Variants in RALGAPA2 observed in about 807,000 individuals in gnomAD.
The protein encoded by RALGAPA2 is Ral GTPase activating protein catalytic subunit alpha 2.
A neutral mutation model predicts 230.4 loss-of-function variants in RALGAPA2; 139 were observed. The ratio of observed to expected loss-of-function variants is 0.60; its 90% CI spans 0.53 to 0.69. RALGAPA2 has a LOEUF of 0.69. Ranked by LOEUF, RALGAPA2 falls within the 30% of genes least tolerant of loss-of-function variation. RALGAPA2 has a pLI of 0.00. For missense variants in RALGAPA2, 2,163 were observed against 2,276.0 expected (o/e 0.95, Z 1.01); for synonymous variants, 847 against 837.8 (o/e 1.01, Z -0.19).
chr20:20,509,731 G>A (rs2145320339), intron 33 of RALGAPA2, among the ~76,000 whole-genome samples: 1 of 152,268 alleles, frequency 6.6e-6, no homozygotes, highest in Non-Finnish European at 1.5e-5. Context: ...GAAAACTTAT[G>A]CCCTTCTGAT....
In RALGAPA2 at chr20:20,712,600, T is replaced by TGCTGCCGCCGCCGCC. The variant is rs1555833891; in HGVS notation, c.-135_-121dup. The TGCTGCCGCCGCCGCC allele has an allele frequency of 2.6e-6, 3 of 1,161,766 alleles. No homozygotes were observed. The highest frequency in any genetic ancestry group is 3.2e-6 in the Non-Finnish European group (3 of 925,776). The allele number at this position is 1,161,766 out of a possible 1,614,324, so 72.0% of individuals were successfully genotyped here. ...GGCCACTCGCCGCCCCCAGCCCCGCTGCTGCCGCCGCCGCCGCCGCCGCCG... is the reference window on the plus strand; with the variant it reads ...GGCCACTCGCCGCCCCCAGCCCCGCTGCTGCCGCCGCCGCCGCTGCCGCCGCCGCCGCCGCCGCCG... On this transcript the variant is annotated 5_prime_UTR_variant, in exon 1 of 40. Transcript: ENST00000202677. The surrounding 1 kb of genome is among the most constrained non-coding windows in gnomAD (Gnocchi z 5.5).
intron 31 of RALGAPA2, among the ~76,000 whole-genome samples, chr20:20,517,759 G>A (rs6046907): frequency 2.1e-4 from 31 of 150,394 alleles, no homozygotes; most frequent in Non-Finnish European, 4.3e-4. Flanking sequence ...AATCAAATTA[G>A]GCTATAATAA....
rs973564009 is a variant in RALGAPA2 at position 20,660,771 on chromosome 20, G to C, written c.271-7184C>G. On this transcript the variant is annotated intron_variant, in intron 3 of 39. Transcript: ENST00000202677. Reference sequence around the variant, plus strand: ...GAAATCCCTAATAATTGCTTTTGTGGGTACTGACAGTAGATAGAGCCTAGA... The same window carrying C: ...GAAATCCCTAATAATTGCTTTTGTGCGTACTGACAGTAGATAGAGCCTAGA... Among the ~76,000 whole-genome samples, 39 of 152,018 alleles carry C rather than the reference G, an allele frequency of 2.6e-4. 1 individual carries two copies. Among genetic ancestry groups the C allele is most frequent in the Non-Finnish European group, 1.5e-5 (1 of 68,006 alleles).
chr20:20,427,388 G>A (rs1490642924), intron 37 of RALGAPA2, among the ~76,000 whole-genome samples: 1 of 151,950 alleles, frequency 6.6e-6, no homozygotes, highest in African/African-American at 2.4e-5. Flanking sequence ...AATCCCATCT[G>A]TGTGCCATTC....
chr20:20,540,646 C>A (rs987087349), intron 24 of RALGAPA2, among the ~76,000 whole-genome samples: 5 of 152,090 alleles, frequency 3.3e-5, no homozygotes, highest in Admixed American at 6.5e-5. Context: ...GTTATGCTTT[C>A]ATTATTTATT....
chr20:20,492,443 A>G (rs570772431), intron 36 of RALGAPA2, among the ~76,000 whole-genome samples: 2 of 152,336 alleles, frequency 1.3e-5, no homozygotes, highest in African/African-American at 4.8e-5. Flanking sequence ...TAAGAAAAAA[A>G]TACGGATTTT....
chr20:20,705,388 T>G (rs2069554925), intron 1 of RALGAPA2, among the ~76,000 whole-genome samples: 1 of 151,214 alleles, frequency 6.6e-6, no homozygotes, highest in African/African-American at 2.4e-5. Flanking sequence ...TCATTTTTTT[T>G]GTAGAGAAGG....
At chr20:20,529,804 C>T (rs555087241) in intron 27 of RALGAPA2, among the ~76,000 whole-genome samples, 1 of 152,260 alleles carries the variant, frequency 6.6e-6, no homozygotes, top group African/African-American at 2.4e-5. Context: ...AGAATGTATC[C>T]CCATCACTAT....
chr20:20,663,649 T>G (rs1381995221), intron 3 of RALGAPA2, among the ~76,000 whole-genome samples: 3 of 152,140 alleles, frequency 2.0e-5, no homozygotes, highest in Admixed American at 6.5e-5. Flanking sequence ...TGGAGCACAG[T>G]GGCGCGATCT....
intron 23 of RALGAPA2, among the ~76,000 whole-genome samples, chr20:20,566,526 T>C (rs750756597): frequency 1.3e-5 from 2 of 152,186 alleles, no homozygotes; most frequent in Non-Finnish European, 2.9e-5. Flanking sequence ...ATCAACACTT[T>C]AAGATATCAG....
Position 20,712,517 on chromosome 20 carries a change from G to A in RALGAPA2, c.-37C>T, listed in dbSNP as rs2069930937. 1.3e-6 allele frequency: 2 copies of A among 1,531,236 alleles called. No homozygotes were observed. The highest frequency in any genetic ancestry group is 5.1e-5 in the East Asian group (2 of 39,088). The allele number at this position is 1,531,236 out of a possible 1,614,324, so 94.9% of individuals were successfully genotyped here. A position where few individuals can be genotyped will look rare whatever the true frequency, so the allele number is the denominator to read the frequency against. ...AAGCCCGGGCCCCGCCGGCGGGGCA[G>A]TAGGCGCCTGCGCCACGCGAATCAA... On this transcript the variant is annotated 5_prime_UTR_variant, in exon 1 of 40. Coordinates refer to ENST00000202677, the MANE Select transcript of RALGAPA2 (RefSeq NM_020343.4). The surrounding 1 kb of genome is among the most constrained non-coding windows in gnomAD (Gnocchi z 5.5).
At chr20:20,396,190 C>G (rs895319488) in intron 39 of RALGAPA2, among the ~76,000 whole-genome samples, 1 of 152,232 alleles carries the variant, frequency 6.6e-6, no homozygotes, top group African/African-American at 2.4e-5. Flanking sequence ...TCTGCGCTCC[C>G]GCAGCTTTTG....
At chr20:20,598,245 T>A (rs998373862) in intron 16 of RALGAPA2, among the ~76,000 whole-genome samples, 1 of 152,228 alleles carries the variant, frequency 6.6e-6, no homozygotes, top group Non-Finnish European at 1.5e-5. Flanking sequence ...ATATGATTTA[T>A]TAACTCCAAG....
At chr20:20,426,097 C>T (rs568898677) in intron 37 of RALGAPA2, among the ~76,000 whole-genome samples, 3 of 152,230 alleles carry the variant, frequency 2.0e-5, no homozygotes, top group African/African-American at 7.2e-5. Flanking sequence ...ACCAGATGAG[C>T]GTGGAGAATA....
chr20:20,676,164 T>C, intron 3 of RALGAPA2, 72 bp downstream of exon 3: 3 of 1,102,982 alleles, frequency 2.7e-6, no homozygotes, highest in South Asian at 2.0e-5. Context: ...TGTCTTCAAA[T>C]AAAATTAAAG....
At chr20:20,475,187 G>T (rs750085515) in intron 36 of RALGAPA2, among the ~76,000 whole-genome samples, 1 of 152,144 alleles carries the variant, frequency 6.6e-6, no homozygotes, top group African/African-American at 2.4e-5. Context: ...CCCCTTTTCT[G>T]TGGTTGGCAT....
At chr20:20,435,413 T>C (rs2060588267) in intron 37 of RALGAPA2, among the ~76,000 whole-genome samples, 1 of 152,258 alleles carries the variant, frequency 6.6e-6, no homozygotes, top group Admixed American at 6.5e-5. Context: ...TAACAGCATC[T>C]ACAGTTAAGG....
chr20:20,691,105 G>A (rs1235857685), intron 1 of RALGAPA2, among the ~76,000 whole-genome samples: 2 of 152,062 alleles, frequency 1.3e-5, no homozygotes, highest in African/African-American at 4.8e-5. Flanking sequence ...CTTCCCACCT[G>A]CAAGCCTCAG....
intron 24 of RALGAPA2, among the ~76,000 whole-genome samples, chr20:20,538,880 A>T (rs1195401290): frequency 6.6e-6 from 1 of 152,158 alleles, no homozygotes; most frequent in Non-Finnish European, 1.5e-5. Context: ...TGCCCCTCCC[A>T]TGATAGCCTC....
Sources: gnomAD v4.1 joint callset for allele counts (sites outside exome capture counted in the v4.1 genomes callset) on GRCh38, gnomAD v4.1.1 for gene constraint, Gnocchi (gnomAD v3.1) non-coding constraint, MANE v1.5 for transcripts, NCBI Gene and HGNC (gene_info 2026-07-23, HGNC 2026-07-21) for gene names.